Variants in SHISA6 observed in about 807,000 individuals in gnomAD.
SHISA6 encodes the protein shisa family member 6.
A neutral mutation model predicts 47.9 loss-of-function variants in SHISA6; 22 were observed. The ratio of observed to expected loss-of-function variants is 0.46; its 90% CI spans 0.33 to 0.66. The LOEUF is 0.66. SHISA6 is among the 30% of genes least tolerant of loss of function. SHISA6 has a pLI of 0.02. For missense variants in SHISA6, 680 were observed against 764.6 expected, an observed-to-expected ratio of 0.89 and a Z score of 1.30; for synonymous variants, 388 against 337.8, an observed-to-expected ratio of 1.15 and a Z score of -1.63.
chr17:11,434,737 T>G (rs968284275), intron 3 of SHISA6, among the ~76,000 whole-genome samples: 5 of 152,242 alleles, frequency 3.3e-5, no homozygotes, highest in African/African-American at 1.2e-4. Flanking sequence ...TTAAGATGTT[T>G]CTGTCCAACA....
chr17:11,270,089 C>A (rs1157076428), intron 2 of SHISA6, among the ~76,000 whole-genome samples: 1 of 152,172 alleles, frequency 6.6e-6, no homozygotes. Context: ...GATTCTCCTG[C>A]CTCAGTCTCC....
chr17:11,497,054 C>T (rs75867818), intron 3 of SHISA6, among the ~76,000 whole-genome samples: 2,776 of 152,350 alleles, frequency 0.018, 78 homozygotes, highest in African/African-American at 0.062. Flanking sequence ...CTGAGCTACA[C>T]ACTGTAGTGG....
chr17:11,271,541 G>A (rs1352985368), intron 2 of SHISA6, among the ~76,000 whole-genome samples: 4 of 151,084 alleles, frequency 2.6e-5, no homozygotes, highest in Non-Finnish European at 5.9e-5. Context: ...AGGTTCAAGC[G>A]GTTCTCCTGC....
Position 11,321,301 on chromosome 17 carries a change from G to C in SHISA6, c.799+57775G>C, listed in dbSNP as rs1311274724. 2.0e-5 allele frequency among the ~76,000 whole-genome samples: 3 copies of C among 152,218 alleles called. No homozygotes were observed. In the South Asian group the frequency reaches 6.2e-4, roughly 32 times the overall value. On this transcript the variant is annotated intron_variant, in intron 2 of 5. Coordinates refer to ENST00000441885, the MANE Select transcript of SHISA6 (RefSeq NM_207386.4). Reference sequence around the variant, plus strand: ...TGTTCATACCTCTACCTCAGAACTAGATTATATGGCCACTCTTAGCTGCAA... The same window carrying C: ...TGTTCATACCTCTACCTCAGAACTACATTATATGGCCACTCTTAGCTGCAA...
intron 3 of SHISA6, among the ~76,000 whole-genome samples, chr17:11,416,578 A>G (rs1914289031): frequency 6.6e-6 from 1 of 152,242 alleles, no homozygotes; most frequent in Non-Finnish European, 1.5e-5. Context: ...GTCATTTTGA[A>G]TGAAAATTAC....
chr17:11,447,310 C>T lies in SHISA6; in HGVS notation c.895+67801C>T, dbSNP rs549633479. 5.3e-5 allele frequency among the ~76,000 whole-genome samples: 8 copies of T among 152,296 alleles called. No individual in the cohort carries two copies. In the East Asian group the frequency reaches 1.4e-3, roughly 26 times the overall value. ...TAAGGATGATCTCAGAAATTCAGGG[C>T]TGGACTAATTCACCCAATGTGAGGC... is the stretch of plus-strand genomic sequence containing the variant. On this transcript the variant is annotated intron_variant, in intron 3 of 5. Transcript: ENST00000441885.
intron 2 of SHISA6, among the ~76,000 whole-genome samples, chr17:11,364,608 G>C (rs11652246): frequency 0.16 from 24,260 of 152,124 alleles, 2,075 homozygotes; most frequent in Middle Eastern, 0.26. Context: ...CCATTTGATG[G>C]ACATTCTGGC....
intron 3 of SHISA6, among the ~76,000 whole-genome samples, chr17:11,435,251 T>C (rs974033399): frequency 1.3e-5 from 2 of 152,042 alleles, no homozygotes; most frequent in African/African-American, 4.8e-5. Context: ...TATTAACTTT[T>C]TGAATATCAA....
chr17:11,325,277 C>T (rs539964363), intron 2 of SHISA6, among the ~76,000 whole-genome samples: 2 of 152,196 alleles, frequency 1.3e-5, no homozygotes, highest in Admixed American at 6.5e-5. Flanking sequence ...TTGAATGGCA[C>T]GAGCTCTAGA....
intron 3 of SHISA6, among the ~76,000 whole-genome samples, chr17:11,471,121 A>G (rs1289815684): frequency 6.6e-6 from 1 of 151,194 alleles, no homozygotes; most frequent in African/African-American, 2.4e-5. Context: ...AAGCAGGAGA[A>G]TCGCTTGAAC....
chr17:11,419,669 A>G (rs371765656), intron 3 of SHISA6, among the ~76,000 whole-genome samples: 37 of 152,324 alleles, frequency 2.4e-4, no homozygotes, highest in East Asian at 1.9e-3. Context: ...AAGTACCCCA[A>G]AAAAGGTAAG....
At chr17:11,254,608 A>G (rs1907941556) in intron 1 of SHISA6, among the ~76,000 whole-genome samples, 1 of 152,206 alleles carries the variant, frequency 6.6e-6, no homozygotes, top group Non-Finnish European at 1.5e-5. Context: ...CCATGCGTCT[A>G]GGGCAGGGCT....
chr17:11,300,646 G>C (rs1051252901), intron 2 of SHISA6, among the ~76,000 whole-genome samples: 1 of 150,702 alleles, frequency 6.6e-6, no homozygotes, highest in Non-Finnish European at 1.5e-5. Context: ...CTTTTTGCCA[G>C]TTTAGGACTT....
intron 2 of SHISA6, among the ~76,000 whole-genome samples, chr17:11,319,279 A>C (rs1910629834): frequency 6.6e-6 from 1 of 152,032 alleles, no homozygotes; most frequent in African/African-American, 2.4e-5. Context: ...GGGTTTCACC[A>C]TGTTGGCCAG....
chr17:11,370,266 A>T (rs966886022), intron 2 of SHISA6, among the ~76,000 whole-genome samples: 2 of 152,128 alleles, frequency 1.3e-5, no homozygotes, highest in South Asian at 4.1e-4. Flanking sequence ...CTTTCTTAAG[A>T]TAATATCTTA....
intron 2 of SHISA6, among the ~76,000 whole-genome samples, chr17:11,324,358 A>G (rs1265631082): frequency 6.6e-6 from 1 of 152,188 alleles, no homozygotes; most frequent in Non-Finnish European, 1.5e-5. Context: ...CAGAAGAAGA[A>G]GGAACTCGTA....
At chr17:11,339,136 C>T (rs1911430282) in intron 2 of SHISA6, among the ~76,000 whole-genome samples, 1 of 147,420 alleles carries the variant, frequency 6.8e-6, no homozygotes, top group African/African-American at 2.5e-5. Context: ...GCACATTGTG[C>T]ACATGTACCC....
chr17:11,374,408 A>G (rs530810265), intron 2 of SHISA6, among the ~76,000 whole-genome samples: 1 of 151,734 alleles, frequency 6.6e-6, no homozygotes, highest in Admixed American at 6.6e-5. Context: ...AAAAATTCTT[A>G]CTCTGAGATC....
intron 3 of SHISA6, among the ~76,000 whole-genome samples, chr17:11,503,976 A>G (rs2071476861): frequency 6.6e-6 from 1 of 152,242 alleles, no homozygotes; most frequent in Non-Finnish European, 1.5e-5. Flanking sequence ...ATGTAATAAA[A>G]GCAGAACTAA....
Sources: allele counts gnomAD v4.1 joint callset (sites outside exome capture counted in the v4.1 genomes callset), GRCh38; gene constraint gnomAD v4.1.1; transcripts MANE v1.5; gene names NCBI Gene and HGNC (gene_info 2026-07-23, HGNC 2026-07-21).